DLG2: variants seen among roughly 807,000 people sequenced by gnomAD.
DLG2 encodes discs large MAGUK scaffold protein 2, also known as disks large homolog 2.
A neutral mutation model predicts 132.5 loss-of-function variants in DLG2; 45 were observed. The observed-to-expected ratio is 0.34, with a 90% CI of 0.27 to 0.44. DLG2 has a LOEUF of 0.44. Ranked by LOEUF, DLG2 falls within the 20% of genes least tolerant of loss-of-function variation. The pLI is 1.00. For missense variants in DLG2, 1,045 were observed against 1,196.9 expected (o/e 0.87, Z 1.87); for synonymous variants, 424 against 419.6 (o/e 1.01, Z -0.13).
chr11:85,617,375 A>C (rs1308616244), intron 2 of DLG2, among the ~76,000 whole-genome samples: 1 of 152,222 alleles, frequency 6.6e-6, no homozygotes, highest in Non-Finnish European at 1.5e-5. Context: ...TCTCATCTTA[A>C]ATATTACATC....
chr11:84,917,424 G>A (rs764037425), intron 6 of DLG2, among the ~76,000 whole-genome samples: 1 of 152,268 alleles, frequency 6.6e-6, no homozygotes, highest in South Asian at 2.1e-4. Context: ...ATCTATTTAG[G>A]TAGATTGCTA....
At chr11:84,686,440 G>A (rs188868246) in intron 6 of DLG2, among the ~76,000 whole-genome samples, 28 of 152,066 alleles carry the variant, frequency 1.8e-4, no homozygotes, top group Admixed American at 1.6e-3. Context: ...ACCTGGATTT[G>A]GTTTTGTTTC....
intron 6 of DLG2, among the ~76,000 whole-genome samples, chr11:85,009,378 A>C (rs1329996888): frequency 1.3e-5 from 2 of 152,150 alleles, no homozygotes; most frequent in African/African-American, 4.8e-5. Flanking sequence ...GAGCTGCTAA[A>C]ACAAATTGCT....
intron 18 of DLG2, among the ~76,000 whole-genome samples, chr11:83,765,479 C>G (rs1354131721): frequency 6.6e-6 from 1 of 152,134 alleles, no homozygotes; most frequent in Admixed American, 6.5e-5. Context: ...TGTTTAATAT[C>G]CAGAAAGGAA....
At chr11:84,510,752 A>G (rs571767262) in intron 7 of DLG2, among the ~76,000 whole-genome samples, 5 of 152,182 alleles carry the variant, frequency 3.3e-5, no homozygotes, top group Admixed American at 6.5e-5. Flanking sequence ...TTTATTCTCT[A>G]TGGCCTTACA....
At chr11:83,633,835 G>C (rs1014267515) in intron 18 of DLG2, among the ~76,000 whole-genome samples, 1 of 151,338 alleles carries the variant, frequency 6.6e-6, no homozygotes. Context: ...GAATATCCTA[G>C]TTGTGATAAT....
Position 83,488,955 on chromosome 11 carries a change from A to G in DLG2, c.2194-4727T>C, listed in dbSNP as rs189840026. Among the ~76,000 whole-genome samples, 141 of 152,148 alleles carry G rather than the reference A, an allele frequency of 9.3e-4. 2 individuals carry two copies. Among genetic ancestry groups the G allele is most frequent in the African/African-American group, 3.4e-3 (140 of 41,554 alleles). On this transcript the variant is annotated intron_variant, in intron 21 of 27. Transcript: ENST00000376104. Reference sequence around the variant, plus strand: ...AGGGAAAGATAAGAGTTGGCTTGAGATATATCTGCTTACAGAAATGTGTCT... The same window carrying G: ...AGGGAAAGATAAGAGTTGGCTTGAGGTATATCTGCTTACAGAAATGTGTCT...
intron 3 of DLG2, among the ~76,000 whole-genome samples, chr11:85,321,639 C>A (rs1299770064): frequency 6.6e-6 from 1 of 151,712 alleles, no homozygotes; most frequent in Non-Finnish European, 1.5e-5. Flanking sequence ...GAAGGAGCAG[C>A]CAGTGAAGTA....
chr11:84,900,608 G>A (rs2090764523), intron 6 of DLG2, among the ~76,000 whole-genome samples: 2 of 151,942 alleles, frequency 1.3e-5, no homozygotes, highest in African/African-American at 4.8e-5. Context: ...AGATATCACT[G>A]TATACATGCA....
chr11:84,427,380 C>T (rs1399619330), intron 7 of DLG2, among the ~76,000 whole-genome samples: 1 of 152,078 alleles, frequency 6.6e-6, no homozygotes, highest in Non-Finnish European at 1.5e-5. Context: ...TACATGAGAG[C>T]ACTAATAATC....
chr11:84,911,375 T>G (rs2092042800), intron 6 of DLG2, among the ~76,000 whole-genome samples: 1 of 151,846 alleles, frequency 6.6e-6, no homozygotes, highest in Admixed American at 6.5e-5. Flanking sequence ...GTTTTATGAC[T>G]TAATTATATC....
chr11:83,819,102 C>T (rs1417561860), intron 17 of DLG2, among the ~76,000 whole-genome samples: 1 of 152,052 alleles, frequency 6.6e-6, no homozygotes, highest in Non-Finnish European at 1.5e-5. Context: ...TCTATATGTG[C>T]CTGATGATGA....
chr11:84,752,207 C>G (rs2066212803), intron 6 of DLG2, among the ~76,000 whole-genome samples: 2 of 152,178 alleles, frequency 1.3e-5, no homozygotes, highest in South Asian at 4.1e-4. Context: ...CTCTTCACTT[C>G]ACTTTCCTTC....
chr11:83,612,769 C>A (rs146159069), intron 19 of DLG2, among the ~76,000 whole-genome samples: 26 of 152,094 alleles, frequency 1.7e-4, no homozygotes, highest in African/African-American at 6.0e-4. Context: ...AGACAGTATG[C>A]AGATTGAAGA....
intron 6 of DLG2, among the ~76,000 whole-genome samples, chr11:84,950,054 C>T (rs2050724361): frequency 6.6e-6 from 1 of 152,322 alleles, no homozygotes; most frequent in African/African-American, 2.4e-5. Context: ...TTCAGCCGGA[C>T]CCTCCGTTTG....
intron 9 of DLG2, among the ~76,000 whole-genome samples, chr11:84,121,007 CTCAT>C (rs1198630209): frequency 1.3e-5 from 2 of 152,162 alleles, no homozygotes; most frequent in Non-Finnish European, 2.9e-5. Flanking sequence ...TTTACTCTTG[CTCAT>C]TCATTCAATT....
At chr11:84,753,377 T>G (rs1473377645) in intron 6 of DLG2, among the ~76,000 whole-genome samples, 1 of 152,250 alleles carries the variant, frequency 6.6e-6, no homozygotes, top group East Asian at 1.9e-4. Context: ...TTTGAATTAG[T>G]AGGCAGGCAC....
intron 3 of DLG2, among the ~76,000 whole-genome samples, chr11:85,417,596 C>T (rs2089973028): frequency 6.6e-6 from 1 of 152,082 alleles, no homozygotes; most frequent in African/African-American, 2.4e-5. Flanking sequence ...GGTTGGTAGG[C>T]TATTAATTAC....
chr11:84,685,366 C>A (rs1469978695), intron 6 of DLG2, among the ~76,000 whole-genome samples: 1 of 152,194 alleles, frequency 6.6e-6, no homozygotes, highest in Non-Finnish European at 1.5e-5. Context: ...ATAAGAACCA[C>A]AGTCAGTCCT....
Sources: gnomAD v4.1 joint callset for allele counts (sites outside exome capture counted in the v4.1 genomes callset) on GRCh38, gnomAD v4.1.1 for gene constraint, MANE v1.5 for transcripts, NCBI Gene and HGNC (gene_info 2026-07-23, HGNC 2026-07-21) for gene names.